Variants in UCK2 observed in about 807,000 individuals in gnomAD.
UCK2 encodes the protein cytidine monophosphokinase 2.
Under a neutral mutation model 30.8 loss-of-function variants are expected in UCK2, and 6 were observed. The ratio of observed to expected loss-of-function variants is 0.19; its 90% CI spans 0.11 to 0.38. The LOEUF (loss-of-function observed/expected upper bound fraction) is 0.38, where lower values mean the gene tolerates loss of function less well. UCK2 is among the 10% of genes least tolerant of loss of function. The pLI is 1.00. For missense variants in UCK2, 210 were observed against 339.8 expected (o/e 0.62, Z 3.00); for synonymous variants, 125 against 133.6 (o/e 0.94, Z 0.45).
At chr1:165,854,385 A>G (rs1400635804) in intron 1 of UCK2, among the ~76,000 whole-genome samples, 1 of 152,186 alleles carries the variant, frequency 6.6e-6, no homozygotes, top group African/African-American at 2.4e-5. Flanking sequence ...AACCTCATTC[A>G]GATGATTCTT....
At chr1:165,833,834 G>A (rs953560976) in intron 1 of UCK2, among the ~76,000 whole-genome samples, 6 of 152,080 alleles carry the variant, frequency 3.9e-5, no homozygotes, top group Admixed American at 3.9e-4. Flanking sequence ...GTGTATGCAT[G>A]TCTGTATGCT....
rs369725653 is a variant in UCK2, at chr1:165,887,312, A to G, written c.100-2892A>G. On this transcript the variant is annotated intron_variant, in intron 1 of 6. Transcript: ENST00000367879. ...ATTAGTCATACTGTATCATTGATCA[A>G]GGGTTGGGATGAGCGCTGATTTTCT... Among the ~76,000 whole-genome samples the G allele has an allele frequency of 8.3e-4, 126 of 152,298 alleles. 2 individuals carry two copies. The South Asian group carries it at 0.022, about 26-fold the overall frequency.
intron 1 of UCK2, among the ~76,000 whole-genome samples, chr1:165,868,907 TC>T (rs1203883466): frequency 7.2e-5 from 11 of 152,240 alleles, no homozygotes; most frequent in Non-Finnish European, 1.2e-4. Context: ...CATGCCTTCC[TC>T]ACTAAGCTTA....
chr1:165,883,775 G>A (rs374552140), intron 1 of UCK2, among the ~76,000 whole-genome samples: 3 of 152,150 alleles, frequency 2.0e-5, no homozygotes, highest in East Asian at 1.9e-4. Context: ...TTGTTCTTTC[G>A]TTCTTCACAA....
chr1:165,869,557 T>A (rs1280141496), intron 1 of UCK2, among the ~76,000 whole-genome samples: 3 of 151,982 alleles, frequency 2.0e-5, no homozygotes, highest in Admixed American at 2.0e-4. Context: ...TGCACAAGAA[T>A]TCCTTTTCCT....
chr1:165,874,571 A>C (rs1258283984), intron 1 of UCK2, among the ~76,000 whole-genome samples: 1 of 152,184 alleles, frequency 6.6e-6, no homozygotes, highest in African/African-American at 2.4e-5. Context: ...TTAATAGACA[A>C]AGACTGAATC....
At position 165,890,717 on chromosome 1, in the gene UCK2, A is replaced by G. The variant is rs78565185; in HGVS notation, c.259+354A>G. On this transcript the variant is annotated intron_variant, in intron 2 of 6. Coordinates refer to ENST00000367879, the MANE Select transcript of UCK2 (RefSeq NM_012474.5). ...GTCAGACCCTCCTCCTCAGGTGTACATGTGTGTTCAACCCACTGTCTGGCA... is the reference window on the plus strand; with the variant it reads ...GTCAGACCCTCCTCCTCAGGTGTACGTGTGTGTTCAACCCACTGTCTGGCA... The G allele has an allele frequency of 5.7e-3, 1,616 of 283,270 alleles. 17 individuals are homozygous for G. The highest frequency in any genetic ancestry group is 0.029 in the African/African-American group (1,338 of 46,334). The allele number at this position is 283,270 out of a possible 1,614,324, so 17.5% of individuals were successfully genotyped here. A position where few individuals can be genotyped will look rare whatever the true frequency, so the allele number is the denominator to read the frequency against.
chr1:165,899,850 C>G (rs74901015), intron 4 of UCK2, among the ~76,000 whole-genome samples: 8,287 of 152,192 alleles, frequency 0.054, 284 homozygotes, highest in Middle Eastern at 0.11. Context: ...GTCCTTGGCT[C>G]AGGGAGGCAC....
chr1:165,910,320 G>C lies in UCK2; in HGVS notation c.*2497G>C, dbSNP rs776811720. On this transcript the variant is annotated 3_prime_UTR_variant, in exon 7 of 7. Transcript: ENST00000367879. ...CTGATTCCATGGAGAGTCAGGAGTA[G>C]AATTAGTGGACCAGAAACCATGACA... 3.9e-5 allele frequency: 6 copies of C among 152,248 alleles called. 1 individual carries two copies. The highest frequency in any genetic ancestry group is 3.3e-4 in the Admixed American group (5 of 15,288). The allele number at this position is 152,248 out of a possible 1,614,324, so 9.4% of individuals were successfully genotyped here.
At chr1:165,867,346 C>T (rs1399112098) in intron 1 of UCK2, among the ~76,000 whole-genome samples, 2 of 152,150 alleles carry the variant, frequency 1.3e-5, no homozygotes, top group African/African-American at 2.4e-5. Context: ...TGACTCTTTC[C>T]TTCATGAAAG....
At chr1:165,860,257 C>T (rs1654862528) in intron 1 of UCK2, among the ~76,000 whole-genome samples, 1 of 152,170 alleles carries the variant, frequency 6.6e-6, no homozygotes, top group Non-Finnish European at 1.5e-5. Context: ...TTTGTCCCCA[C>T]CCTCCACAGC....
At chr1:165,871,344 A>T (rs373023091) in intron 1 of UCK2, among the ~76,000 whole-genome samples, 18 of 152,312 alleles carry the variant, frequency 1.2e-4, no homozygotes, top group African/African-American at 4.3e-4. Context: ...CTGCTGCTTC[A>T]TGCTTTTCCA....
At chr1:165,857,665 A>G (rs191112430) in intron 1 of UCK2, among the ~76,000 whole-genome samples, 1 of 152,324 alleles carries the variant, frequency 6.6e-6, no homozygotes, top group Non-Finnish European at 1.5e-5. Flanking sequence ...CCTGGTACGT[A>G]GCAGGAGTGA....
At chr1:165,848,844 C>T (rs943846650) in intron 1 of UCK2, among the ~76,000 whole-genome samples, 1 of 152,104 alleles carries the variant, frequency 6.6e-6, no homozygotes, top group Non-Finnish European at 1.5e-5. Flanking sequence ...GAAATAAGCC[C>T]ACCATATTTC....
chr1:165,889,858 G>A (rs946795977), intron 1 of UCK2, among the ~76,000 whole-genome samples: 4 of 151,858 alleles, frequency 2.6e-5, no homozygotes, highest in Non-Finnish European at 4.4e-5. Flanking sequence ...GCCACCTCCA[G>A]CAGGCCCCAG....
At chr1:165,903,306 G>A in intron 5 of UCK2, 27 bp downstream of exon 5, 1 of 1,599,494 alleles carries the variant, frequency 6.3e-7, no homozygotes, top group South Asian at 1.1e-5. Flanking sequence ...GTTTGTTTTT[G>A]TTGAATGTAG....
At chr1:165,890,013 G>C (rs544218634) in intron 1 of UCK2, among the ~76,000 whole-genome samples, 191 bp from the exon 2 acceptor site, 1 of 152,224 alleles carries the variant, frequency 6.6e-6, no homozygotes, top group East Asian at 1.9e-4. Flanking sequence ...TCCCACATGA[G>C]ACGTGATCTT....
At chr1:165,827,995 C>A in intron 1 of UCK2, 63 bp downstream of exon 1, 1 of 1,195,810 alleles carries the variant, frequency 8.4e-7, no homozygotes, top group Non-Finnish European at 1.1e-6. Context: ...CGCATGTGGC[C>A]GGCGGCCGCG....
intron 1 of UCK2, among the ~76,000 whole-genome samples, chr1:165,848,437 G>C (rs976470583): frequency 3.3e-5 from 5 of 152,154 alleles, no homozygotes; most frequent in African/African-American, 1.2e-4. Flanking sequence ...TTCGACACCA[G>C]CCTGGCCAAC....
Sources: allele counts gnomAD v4.1 joint callset (sites outside exome capture counted in the v4.1 genomes callset), GRCh38; gene constraint gnomAD v4.1.1; transcripts MANE v1.5; gene names NCBI Gene and HGNC (gene_info 2026-07-23, HGNC 2026-07-21).